SOBP: variants seen among roughly 807,000 people sequenced by gnomAD.
SOBP encodes sine oculis binding protein homolog.
SOBP carries 4 observed loss-of-function variants against 53.6 expected under a neutral mutation model. The ratio of observed to expected loss-of-function variants is 0.07; its 90% confidence interval spans 0.04 to 0.17. The LOEUF is 0.17. Among genes scored for constraint, SOBP ranks in the 10% least tolerant of loss-of-function variants. SOBP has a pLI of 1.00. For missense variants in SOBP, 1,088 were observed against 1,204.7 expected (o/e 0.90, Z 1.43); for synonymous variants, 584 against 522.6 (o/e 1.12, Z -1.60).
intron 5 of SOBP, among the ~76,000 whole-genome samples, chr6:107,597,289 A>G (rs541162803): frequency 5.9e-5 from 9 of 152,306 alleles, no homozygotes; most frequent in Admixed American, 1.3e-4. Context: ...TTAAGTTCCA[A>G]ATTGTCTGGT....
intron 4 of SOBP, among the ~76,000 whole-genome samples, chr6:107,578,265 A>G (rs559793557): frequency 1.4e-5 from 2 of 144,306 alleles, no homozygotes; most frequent in Non-Finnish European, 3.0e-5. Context: ...ATTCTGTTAT[A>G]TTTGTCATTA....
intron 5 of SOBP, among the ~76,000 whole-genome samples, chr6:107,616,308 T>C (rs1337292544): frequency 2.6e-5 from 4 of 152,232 alleles, no homozygotes; most frequent in Non-Finnish European, 1.5e-5. Flanking sequence ...GATGGCACCA[T>C]GCATTGCCTG....
At chr6:107,495,696 TA>T (rs1267344532) in intron 1 of SOBP, among the ~76,000 whole-genome samples, 2 of 152,080 alleles carry the variant, frequency 1.3e-5, no homozygotes. Context: ...AACAGGGCCT[TA>T]AAAAAGGGCA....
chr6:107,653,078 C>T (rs1220022543), intron 6 of SOBP, among the ~76,000 whole-genome samples: 2 of 152,160 alleles, frequency 1.3e-5, no homozygotes, highest in Admixed American at 1.3e-4. Context: ...GTATCTTCAT[C>T]AGTTAATGAG....
rs1052719983 is a variant in SOBP at position 107,625,431 on chromosome 6, A to C, written c.670-8083A>C. ...ATAGCCAGGTGCCTGGCAGAGCCCAAGCAATCAGTATGTAGTTGGTGAGTG... is the reference window on the plus strand; with the variant it reads ...ATAGCCAGGTGCCTGGCAGAGCCCACGCAATCAGTATGTAGTTGGTGAGTG... On this transcript the variant is annotated intron_variant, in intron 5 of 6. Coordinates refer to ENST00000317357, the MANE Select transcript of SOBP (RefSeq NM_018013.4). 3.9e-5 allele frequency among the ~76,000 whole-genome samples: 6 copies of C among 152,230 alleles called. No individual in the cohort carries two copies. In the East Asian group the frequency reaches 1.2e-3, roughly 29 times the overall value.
At chr6:107,525,458 G>A (rs1347943552) in intron 3 of SOBP, among the ~76,000 whole-genome samples, 4 of 152,154 alleles carry the variant, frequency 2.6e-5, no homozygotes, top group African/African-American at 4.8e-5. Flanking sequence ...ATTGGAGTAC[G>A]GGAGAATAAA....
At chr6:107,494,584 A>C (rs1003300854) in intron 1 of SOBP, among the ~76,000 whole-genome samples, 2 of 152,262 alleles carry the variant, frequency 1.3e-5, no homozygotes. Flanking sequence ...CAGCATGATT[A>C]GATCAAGCAT....
chr6:107,493,004 G>C (rs910396979), intron 1 of SOBP, among the ~76,000 whole-genome samples: 39 of 152,120 alleles, frequency 2.6e-4, no homozygotes, highest in African/African-American at 9.2e-4. Context: ...GTTTCTCAAA[G>C]TCAAAAGGTG....
chr6:107,531,352 C>T (rs891141435), intron 3 of SOBP, among the ~76,000 whole-genome samples: 8 of 152,116 alleles, frequency 5.3e-5, no homozygotes, highest in African/African-American at 1.4e-4. Context: ...TATGAGAATT[C>T]TGCTGTATCT....
intron 1 of SOBP, among the ~76,000 whole-genome samples, chr6:107,494,947 T>A (rs1782663103): frequency 6.6e-6 from 1 of 151,426 alleles, no homozygotes; most frequent in Non-Finnish European, 1.5e-5. Context: ...ATAAATAGCT[T>A]GATTTTAAGA....
chr6:107,537,397 A>G lies in SOBP; in HGVS notation c.573+3787A>G, dbSNP rs1583186619. Among the ~76,000 whole-genome samples, 3 of 152,342 alleles carry G rather than the reference A, an allele frequency of 2.0e-5. No individual in the cohort carries two copies. In the East Asian group the frequency reaches 5.8e-4, roughly 29 times the overall value. ...ATGGCTACTGCAGGCAATGTAAAGG[A>G]TGATTATTTACTTTTCTTGTTCGGA... On this transcript the variant is annotated intron_variant, in intron 4 of 6. Coordinates refer to ENST00000317357, the MANE Select transcript of SOBP (RefSeq NM_018013.4).
At chr6:107,589,537 C>G (rs774460548) in intron 5 of SOBP, among the ~76,000 whole-genome samples, 1 of 152,206 alleles carries the variant, frequency 6.6e-6, no homozygotes, top group South Asian at 2.1e-4. Context: ...AAAGCATTGG[C>G]TGATAGAAAA....
At chr6:107,520,868 C>G (rs1177011439) in intron 3 of SOBP, among the ~76,000 whole-genome samples, 1 of 152,106 alleles carries the variant, frequency 6.6e-6, no homozygotes, top group Non-Finnish European at 1.5e-5. Flanking sequence ...AAGGCAGTGC[C>G]CTTGGCCAAG....
At chr6:107,641,214 G>A (rs138983397) in intron 6 of SOBP, among the ~76,000 whole-genome samples, 1 of 152,338 alleles carries the variant, frequency 6.6e-6, no homozygotes, top group East Asian at 1.9e-4. Flanking sequence ...AATTTCTGCT[G>A]TGGGCCTAAT....
At chr6:107,589,955 G>A (rs1232423077) in intron 5 of SOBP, among the ~76,000 whole-genome samples, 5 of 152,220 alleles carry the variant, frequency 3.3e-5, no homozygotes, top group African/African-American at 1.2e-4. Flanking sequence ...CATGTTAACA[G>A]TGTAGCAGCC....
chr6:107,530,456 A>G (rs1017139820), intron 3 of SOBP, among the ~76,000 whole-genome samples: 8 of 152,154 alleles, frequency 5.3e-5, no homozygotes, highest in African/African-American at 1.9e-4. Context: ...CTCATGTCTG[A>G]TGACAGAATT....
chr6:107,495,808 T>C (rs890084009), intron 1 of SOBP, among the ~76,000 whole-genome samples: 2 of 152,204 alleles, frequency 1.3e-5, no homozygotes, highest in Non-Finnish European at 2.9e-5. Flanking sequence ...TAAAATTCCC[T>C]TTTATTTACT....
chr6:107,629,231 C>CTTT lies in SOBP; in HGVS notation c.670-4264_670-4262dup, dbSNP rs5878925. ...ATGGCATTCACGGAGGTGCTAATAT[C>CTTT]TTTTTTTTTTTTTTTTTTTTTACTG... On this transcript the variant is annotated intron_variant, in intron 5 of 6. Coordinates refer to ENST00000317357, the MANE Select transcript of SOBP (RefSeq NM_018013.4). Among the ~76,000 whole-genome samples, 7 of 123,328 alleles carry CTTT rather than the reference C, an allele frequency of 5.7e-5. No homozygotes were observed. The East Asian group carries it at 1.2e-3, about 21-fold the overall frequency. The allele number at this position is 123,328 out of a possible 152,430, so 80.9% of individuals were successfully genotyped here.
intron 1 of SOBP, among the ~76,000 whole-genome samples, chr6:107,491,876 C>T (rs901728510): frequency 1.2e-4 from 19 of 152,294 alleles, no homozygotes; most frequent in African/African-American, 4.6e-4. Flanking sequence ...TGCGCTTTGA[C>T]GCTTTCTTCA....
Sources: allele counts gnomAD v4.1 joint callset (sites outside exome capture counted in the v4.1 genomes callset), GRCh38; gene constraint gnomAD v4.1.1; transcripts MANE v1.5; gene names NCBI Gene and HGNC (gene_info 2026-07-23, HGNC 2026-07-21).